The following NRG1 variants were observed in gnomAD, a reference collection of about 807,000 sequenced individuals.
NRG1 encodes neuregulin 1.
A neutral mutation model predicts 63.8 loss-of-function variants in NRG1; 18 were observed. The observed-to-expected ratio is 0.28, with a 90% CI of 0.19 to 0.42. The LOEUF (loss-of-function observed/expected upper bound fraction) is 0.42. Ranked by LOEUF, NRG1 falls within the 10% of genes least tolerant of loss-of-function variation. The pLI, the probability that NRG1 is intolerant of heterozygous loss-of-function variation, is 1.00. For missense variants in NRG1, 762 were observed against 814.7 expected, an observed-to-expected ratio of 0.94 and a Z score of 0.79; for synonymous variants, 302 against 301.3, an observed-to-expected ratio of 1.00 and a Z score of -0.02.
intron 1 of NRG1, among the ~76,000 whole-genome samples, chr8:31,767,632 G>A (rs976753130): frequency 1.3e-5 from 2 of 152,164 alleles, no homozygotes; most frequent in East Asian, 3.9e-4. Context: ...TTGAGGTCAG[G>A]AGTTCCAGAC....
chr8:32,159,388 G>A (rs541294132), intron 1 of NRG1, among the ~76,000 whole-genome samples: 24 of 150,906 alleles, frequency 1.6e-4, no homozygotes, highest in African/African-American at 5.9e-4. Flanking sequence ...CAAAAAATTA[G>A]CCGGGCGCGG....
At chr8:32,208,559 A>G (rs981764403) in intron 1 of NRG1, among the ~76,000 whole-genome samples, 2 of 152,128 alleles carry the variant, frequency 1.3e-5, no homozygotes, top group African/African-American at 2.4e-5. Flanking sequence ...GGCCCAGCCA[A>G]GTGTTTTAAT....
intron 1 of NRG1, among the ~76,000 whole-genome samples, chr8:32,088,265 A>G (rs1190453802): frequency 6.6e-6 from 1 of 152,162 alleles, no homozygotes; most frequent in Non-Finnish European, 1.5e-5. Context: ...TCTCCACGGG[A>G]CCTTGCGTTT....
intron 1 of NRG1, among the ~76,000 whole-genome samples, chr8:31,918,787 C>T (rs1363240861): frequency 1.3e-5 from 2 of 151,966 alleles, no homozygotes; most frequent in African/African-American, 2.4e-5. Flanking sequence ...GTACCAGTTC[C>T]TCCTTGTACC....
At chr8:32,233,331 T>C (rs1847157086) in intron 1 of NRG1, among the ~76,000 whole-genome samples, 1 of 151,758 alleles carries the variant, frequency 6.6e-6, no homozygotes, top group South Asian at 2.1e-4. Flanking sequence ...AGGCTGGTCT[T>C]GAACTCCTGG....
chr8:31,859,259 A>G (rs1448140964), intron 1 of NRG1, among the ~76,000 whole-genome samples: 1 of 152,218 alleles, frequency 6.6e-6, no homozygotes, highest in Non-Finnish European at 1.5e-5. Context: ...AAGTGCCTTG[A>G]GTATATGAAG....
intron 9 of NRG1, among the ~76,000 whole-genome samples, chr8:32,756,883 C>G (rs1829790541): frequency 6.6e-6 from 1 of 152,150 alleles, no homozygotes; most frequent in Admixed American, 6.5e-5. Context: ...CTTGGAAATA[C>G]AGGCTACTCC....
chr8:31,663,583 G>T (rs887438421), intron 1 of NRG1, among the ~76,000 whole-genome samples: 4 of 152,160 alleles, frequency 2.6e-5, no homozygotes, highest in African/African-American at 9.7e-5. Context: ...GCACCCAAAA[G>T]GGTATTTTAC....
At chr8:31,940,742 A>G (rs112312488) in intron 1 of NRG1, among the ~76,000 whole-genome samples, 1 of 152,214 alleles carries the variant, frequency 6.6e-6, no homozygotes, top group African/African-American at 2.4e-5. Context: ...ATAAAAATAC[A>G]AAAGATTATT....
intron 1 of NRG1, among the ~76,000 whole-genome samples, chr8:32,576,327 C>CT (rs917846284): frequency 6.6e-6 from 1 of 152,060 alleles, no homozygotes; most frequent in Non-Finnish European, 1.5e-5. Flanking sequence ...ATTTTCTCTT[C>CT]TTTTTTTGTT....
chr8:32,549,163 A>G (rs982490175), intron 1 of NRG1, among the ~76,000 whole-genome samples: 4 of 152,180 alleles, frequency 2.6e-5, no homozygotes, highest in African/African-American at 9.6e-5. Flanking sequence ...GACCTGGGCT[A>G]TAGGAGTCGA....
chr8:32,274,063 A>G, intron 1 of NRG1, among the ~76,000 whole-genome samples: 1 of 152,180 alleles, frequency 6.6e-6, no homozygotes, highest in East Asian at 1.9e-4. Context: ...TGGCTGGTGG[A>G]AAAAAAGAAG....
intron 1 of NRG1, among the ~76,000 whole-genome samples, chr8:32,059,776 G>T (rs1823545396): frequency 6.6e-6 from 1 of 151,788 alleles, no homozygotes; most frequent in African/African-American, 2.4e-5. Flanking sequence ...GAAACTTCTT[G>T]GTTTATAGAT....
intron 1 of NRG1, among the ~76,000 whole-genome samples, chr8:31,705,735 C>G (rs1811085487): frequency 6.6e-6 from 1 of 152,106 alleles, no homozygotes; most frequent in East Asian, 1.9e-4. Context: ...GGATTTTCAC[C>G]TACCTTGTGA....
At chr8:32,083,639 G>A (rs748649152) in intron 1 of NRG1, among the ~76,000 whole-genome samples, 8 of 152,080 alleles carry the variant, frequency 5.3e-5, no homozygotes, top group Non-Finnish European at 1.2e-4. Flanking sequence ...AAGACACCTG[G>A]ATAATGAGCT....
chr8:31,894,630 G>A (rs1182462910), intron 1 of NRG1, among the ~76,000 whole-genome samples: 3 of 147,736 alleles, frequency 2.0e-5, no homozygotes, highest in South Asian at 4.2e-4. Flanking sequence ...GGCTCACTGC[G>A]AGCTCCGCCT....
intron 1 of NRG1, among the ~76,000 whole-genome samples, chr8:32,380,098 G>T (rs569721017): frequency 2.6e-5 from 4 of 151,986 alleles, no homozygotes; most frequent in South Asian, 4.2e-4. Context: ...TTACCTTTTT[G>T]CTTCTATCTC....
intron 1 of NRG1, among the ~76,000 whole-genome samples, chr8:31,834,543 C>T (rs971673442): frequency 6.6e-6 from 1 of 152,018 alleles, no homozygotes; most frequent in Non-Finnish European, 1.5e-5. Context: ...CTTGTCTCTA[C>T]TAAAATAATT....
chr8:31,875,362 C>T (rs1243006255), intron 1 of NRG1, among the ~76,000 whole-genome samples: 1 of 152,028 alleles, frequency 6.6e-6, no homozygotes, highest in Admixed American at 6.6e-5. Flanking sequence ...TGAGAGGCAA[C>T]AATAAAGAAA....
Sources: gnomAD v4.1 joint callset for allele counts (sites outside exome capture counted in the v4.1 genomes callset) on GRCh38, gnomAD v4.1.1 for gene constraint, MANE v1.5 for transcripts, NCBI Gene and HGNC (gene_info 2026-07-23, HGNC 2026-07-21) for gene names.